Variants in DAB1 observed in about 807,000 individuals in gnomAD.
The protein encoded by DAB1 is disabled homolog 1.
A neutral mutation model predicts 64.6 loss-of-function variants in DAB1; 15 were observed. The observed-to-expected ratio is 0.23, with a 90% confidence interval of 0.16 to 0.36. DAB1 has a LOEUF of 0.36. DAB1 is among the 10% of genes least tolerant of loss of function. The probability of loss-of-function intolerance (pLI) is 1.00; values close to 1 mark genes in which losing one functional copy is unlikely to be tolerated. For synonymous variants in DAB1, 235 were observed against 251.9 expected (o/e 0.93, Z 0.64); for missense variants, 596 against 706.7 (o/e 0.84, Z 1.78).
intron 2 of DAB1, among the ~76,000 whole-genome samples, chr1:57,221,400 A>T (rs1569944179): frequency 6.6e-6 from 1 of 152,008 alleles, no homozygotes; most frequent in Non-Finnish European, 1.5e-5. Flanking sequence ...GTATAATAAT[A>T]ATTTTAAAAA....
intron 7 of DAB1, among the ~76,000 whole-genome samples, chr1:57,587,617 G>A (rs993932618): frequency 1.3e-5 from 2 of 152,174 alleles, no homozygotes; most frequent in African/African-American, 4.8e-5. Flanking sequence ...CCATGATGAA[G>A]ATATGATTTT....
chr1:58,309,703 T>C (rs1187074849), intron 4 of DAB1, among the ~76,000 whole-genome samples: 1 of 152,154 alleles, frequency 6.6e-6, no homozygotes, highest in East Asian at 1.9e-4. Context: ...TACCCTGCAA[T>C]GGCCTTCTTT....
In DAB1 at chr1:58,221,197, C is replaced by T. The variant is rs145408711; in HGVS notation, n.310-70609G>A. On this transcript the variant is annotated intron_variant and non_coding_transcript_variant, in intron 4 of 20. Coordinates refer to the DAB1 transcript ENST00000485760. Reference sequence around the variant, plus strand: ...AAGTCCCCACTGAAATACAGCTTGCCTGAGAAAATATGAATCAGAATTTAT... The same window carrying T: ...AAGTCCCCACTGAAATACAGCTTGCTTGAGAAAATATGAATCAGAATTTAT... Among the ~76,000 whole-genome samples the T allele has an allele frequency of 1.7e-3, 253 of 152,130 alleles. 1 individual carries two copies. Among genetic ancestry groups the T allele is most frequent in the African/African-American group, 5.6e-3 (232 of 41,484 alleles).
rs534705200 is a variant in DAB1, at chr1:58,142,440, G to A, written n.387+8071C>T. ...GGGACTGAGGGGACTGAGTGGTGGCGTTTTTGTTTCTGCAGGAAATGGAGT... is the reference window on the plus strand; with the variant it reads ...GGGACTGAGGGGACTGAGTGGTGGCATTTTTGTTTCTGCAGGAAATGGAGT... On this transcript the variant is annotated intron_variant and non_coding_transcript_variant, in intron 5 of 20. Transcript: ENST00000485760. 9.2e-5 allele frequency among the ~76,000 whole-genome samples: 14 copies of A among 152,298 alleles called. No individual in the cohort carries two copies. The South Asian group carries it at 1.2e-3, about 14-fold the overall frequency.
At chr1:58,546,287 A>G (rs962966267) in intron 1 of DAB1, among the ~76,000 whole-genome samples, 2 of 152,214 alleles carry the variant, frequency 1.3e-5, no homozygotes, top group African/African-American at 2.4e-5. Context: ...CCCCTCTGGC[A>G]GAGGTGCCGG....
chr1:57,438,086 G>T (rs1050337633), intron 7 of DAB1, among the ~76,000 whole-genome samples: 5 of 152,098 alleles, frequency 3.3e-5, no homozygotes, highest in African/African-American at 1.2e-4. Context: ...CATTGTTTAA[G>T]CAACATGAGT....
In DAB1 at chr1:57,355,425, G is replaced by A. The variant is rs1679016942; in HGVS notation, c.-136-64259C>T. On this transcript the variant is annotated intron_variant, in intron 1 of 14. Coordinates refer to ENST00000371236, the MANE Select transcript of DAB1 (RefSeq NM_001365792.1). The stretch of plus-strand genomic sequence containing the variant: ...CCGTCCTTCCTTCCACATTTATTAA[G>A]CACTTAGAGAGAAAATAATTCCCAG... Among the ~76,000 whole-genome samples the A allele has an allele frequency of 1.3e-5, 2 of 150,384 alleles. 1 individual carries two copies. Among genetic ancestry groups the A allele is most frequent in the Admixed American group, 1.3e-4 (2 of 15,022 alleles).
intron 1 of DAB1, chr1:58,534,383 A>G (rs1244645564): frequency 1.3e-6 from 1 of 748,422 alleles, no homozygotes; most frequent in Non-Finnish European, 2.3e-6. Flanking sequence ...CAAAATGCTT[A>G]CTCTGCTTCA....
chr1:57,424,018 C>A lies in DAB1; in HGVS notation c.-225G>T, dbSNP rs1311731047. ...CGGCGGGCGGCGGCACTCAGGCGCG[C>A]TCTGCAGCCCGGGGAAGCCCGGGCG... On this transcript the variant is annotated 5_prime_UTR_variant, in exon 1 of 15. Transcript: ENST00000371236. The A allele has an allele frequency of 1.3e-5, 2 of 152,208 alleles. No homozygotes were observed. Among genetic ancestry groups the A allele is most frequent in the African/African-American group, 4.8e-5 (2 of 41,406 alleles). 9.4% of individuals were successfully genotyped at this position (152,208 alleles called of 1,614,324 possible).
rs79307051 is a variant in DAB1, at chr1:57,075,884, A to G, written c.307-3470T>C. On this transcript the variant is annotated intron_variant, in intron 4 of 14. Coordinates refer to ENST00000371236, the MANE Select transcript of DAB1 (RefSeq NM_001365792.1). ...GGCTCCCTCAACCAACAACAAAAAGATGATCCCTTGATAAGCTGGGATGAG... is the reference window on the plus strand; with the variant it reads ...GGCTCCCTCAACCAACAACAAAAAGGTGATCCCTTGATAAGCTGGGATGAG... Among the ~76,000 whole-genome samples, 1,413 of 152,308 alleles carry G rather than the reference A, an allele frequency of 9.3e-3. 14 individuals are homozygous for G. Among genetic ancestry groups the G allele is most frequent in the Admixed American group, 0.018 (281 of 15,290 alleles).
chr1:58,142,342 A>T (rs572369465), intron 5 of DAB1, among the ~76,000 whole-genome samples: 2 of 152,346 alleles, frequency 1.3e-5, no homozygotes, highest in South Asian at 2.1e-4. Flanking sequence ...TGAGCTAAGC[A>T]TATGATTTTT....
chr1:57,909,628 T>C (rs1569970737), intron 5 of DAB1, among the ~76,000 whole-genome samples: 2 of 152,300 alleles, frequency 1.3e-5, no homozygotes, highest in Admixed American at 1.3e-4. Flanking sequence ...GTAATAAGTG[T>C]TGCTGATTCT....
At chr1:57,433,157 A>T (rs2101118285) in intron 7 of DAB1, among the ~76,000 whole-genome samples, 1 of 152,324 alleles carries the variant, frequency 6.6e-6, no homozygotes, top group Non-Finnish European at 1.5e-5. Flanking sequence ...GTATACATTC[A>T]GCACAATCCC....
At chr1:57,048,674 GCTTCAC>G in intron 9 of DAB1, among the ~76,000 whole-genome samples, 1 of 152,106 alleles carries the variant, frequency 6.6e-6, no homozygotes, top group Non-Finnish European at 1.5e-5. Flanking sequence ...AGGTGGGGGG[GCTTCAC>G]CTACTAGTAG....
rs943700196 is a variant in DAB1 at position 57,244,121 on chromosome 1, C to T, written c.67+46843G>A. 2.6e-5 allele frequency among the ~76,000 whole-genome samples: 4 copies of T among 152,302 alleles called. No homozygotes were observed. The South Asian group carries it at 8.3e-4, about 32-fold the overall frequency. On this transcript the variant is annotated intron_variant, in intron 2 of 14. Transcript: ENST00000371236. ...TTTTGTGTATTCTCTCTTAACTACT[C>T]TCTGGCATATTTGGCTCTCTTATTT... is the stretch of plus-strand genomic sequence containing the variant.
At chr1:57,013,630 T>C (rs1646333052) in intron 12 of DAB1, among the ~76,000 whole-genome samples, 1 of 152,186 alleles carries the variant, frequency 6.6e-6, no homozygotes, top group Admixed American at 6.5e-5. Context: ...GGTGTTTTTT[T>C]TTGACAGTTC....
chr1:57,827,444 T>C (rs852776), intron 1 of DAB1, among the ~76,000 whole-genome samples: 48,518 of 152,072 alleles, frequency 0.32, 8,922 homozygotes, highest in Admixed American at 0.47. Flanking sequence ...TTCTGTGACC[T>C]TGGGCAATTA....
At chr1:57,970,256 C>T (rs1318384485) in intron 5 of DAB1, among the ~76,000 whole-genome samples, 1 of 152,070 alleles carries the variant, frequency 6.6e-6, no homozygotes, top group Non-Finnish European at 1.5e-5. Context: ...TCAATAAATC[C>T]TAAAAGGGCA....
intron 7 of DAB1, among the ~76,000 whole-genome samples, chr1:57,480,590 T>C (rs910407577): frequency 2.6e-5 from 4 of 152,004 alleles, no homozygotes; most frequent in Non-Finnish European, 1.5e-5. Flanking sequence ...GTTCAAATGA[T>C]TCTCCTGCCT....
Sources: allele counts gnomAD v4.1 joint callset (sites outside exome capture counted in the v4.1 genomes callset), GRCh38; gene constraint gnomAD v4.1.1; transcripts MANE v1.5; gene names NCBI Gene and HGNC (gene_info 2026-07-23, HGNC 2026-07-21).